Variants in DIAPH2 observed in about 807,000 individuals in gnomAD.
The protein encoded by DIAPH2 is protein diaphanous homolog 2.
A neutral mutation model predicts 92.7 loss-of-function variants in DIAPH2; 35 were observed. The observed-to-expected ratio is 0.38, with a 90% confidence interval of 0.29 to 0.50. The LOEUF (loss-of-function observed/expected upper bound fraction) is 0.50, where lower values mean the gene tolerates loss of function less well. Among genes scored for constraint, DIAPH2 ranks in the 20% least tolerant of loss-of-function variants. The probability of loss-of-function intolerance (pLI) is 0.94; values close to 1 mark genes in which losing one functional copy is unlikely to be tolerated. For synonymous variants in DIAPH2, 301 were observed against 280.4 expected (o/e 1.07, Z -0.73); for missense variants, 701 against 819.5 (o/e 0.86, Z 1.77).
intron 26 of DIAPH2, among the ~76,000 whole-genome samples, chrX:97,436,341 C>A (rs2070186610): frequency 9.0e-6 from 1 of 110,847 alleles, no homozygotes; most frequent in South Asian, 3.9e-4. Context: ...ACAAGAGAAG[C>A]ATTATGAAGA....
At chrX:96,877,215 C>A (rs941766167) in intron 4 of DIAPH2, among the ~76,000 whole-genome samples, 3 of 111,300 alleles carry the variant, frequency 2.7e-5, no homozygotes, top group Non-Finnish European at 5.7e-5. Flanking sequence ...ATGAAAATGG[C>A]ATTTTGATTT....
In DIAPH2 at chrX:97,263,950, C is replaced by T. The variant is rs1540984; in HGVS notation, c.2844+16111C>T. Among the ~76,000 whole-genome samples, 5 of 88,388 alleles carry T rather than the reference C, an allele frequency of 5.7e-5. No individual in the cohort carries two copies. In the Admixed American group the frequency reaches 6.3e-4, roughly 11 times the overall value. The allele number at this position is 88,388 out of a possible 115,157, so 76.8% of individuals were successfully genotyped here. A position where few individuals can be genotyped will look rare whatever the true frequency, so the allele number is the denominator to read the frequency against. ...TTTATTTATTTATTTGAGATGGGGA[C>T]TCACTCTGTTACCCCAGCTGGAGTG... On this transcript the variant is annotated intron_variant, in intron 23 of 26. Coordinates refer to ENST00000324765, the MANE Select transcript of DIAPH2 (RefSeq NM_006729.5).
At chrX:97,471,518 C>A (rs1332483740) in intron 26 of DIAPH2, among the ~76,000 whole-genome samples, 2 of 109,150 alleles carry the variant, frequency 1.8e-5, no homozygotes, top group East Asian at 5.8e-4. Context: ...TGGTGAAACC[C>A]CGTCTCTACT....
Position 97,145,765 on chromosome X carries a change from C to G in DIAPH2, c.2719+3971C>G, listed in dbSNP as rs150242657. On this transcript the variant is annotated intron_variant, in intron 22 of 26. Coordinates refer to ENST00000324765, the MANE Select transcript of DIAPH2 (RefSeq NM_006729.5). The stretch of plus-strand genomic sequence containing the variant: ...AAATTCAGACTGAGAATTCTCAACT[C>G]AAAAAGATCTTACGCACATTCTGCC... Among the ~76,000 whole-genome samples, 485 of 110,627 alleles carry G rather than the reference C, an allele frequency of 4.4e-3. 3 individuals carry two copies. Among genetic ancestry groups the G allele is most frequent in the African/African-American group, 0.015 (459 of 30,549 alleles).
At chrX:96,919,423 G>T (rs1300367259) in intron 9 of DIAPH2, among the ~76,000 whole-genome samples, 1 of 111,450 alleles carries the variant, frequency 9.0e-6, no homozygotes, top group Non-Finnish European at 1.9e-5. Flanking sequence ...CAGGTTTTTG[G>T]TCTCTGCTAA....
chrX:96,809,015 TTGAC>T (rs1225553586), intron 4 of DIAPH2, among the ~76,000 whole-genome samples: 1 of 111,914 alleles, frequency 8.9e-6, no homozygotes, highest in African/African-American at 3.2e-5. Context: ...ATTTCACTGA[TTGAC>T]ATATACAATA....
intron 26 of DIAPH2, among the ~76,000 whole-genome samples, chrX:97,459,675 A>G (rs1230732322): frequency 8.9e-6 from 1 of 111,975 alleles, no homozygotes; most frequent in African/African-American, 3.2e-5. Context: ...CAATCCTACA[A>G]AATTAGCAAT....
intron 1 of DIAPH2, among the ~76,000 whole-genome samples, chrX:96,709,666 A>G (rs1362018736): frequency 1.8e-5 from 2 of 112,112 alleles, no homozygotes; most frequent in Non-Finnish European, 3.8e-5. Context: ...TCCATTACCA[A>G]CTTTAAAAAA....
chrX:97,536,626 C>T (rs1312231831), intron 26 of DIAPH2, among the ~76,000 whole-genome samples: 1 of 111,678 alleles, frequency 9.0e-6, no homozygotes, highest in Non-Finnish European at 1.9e-5. Context: ...GGATCACTTA[C>T]CTCTTCTTTC....
At chrX:97,414,236 C>A (rs2069914236) in intron 25 of DIAPH2, among the ~76,000 whole-genome samples, 1 of 111,473 alleles carries the variant, frequency 9.0e-6, no homozygotes, top group Non-Finnish European at 1.9e-5. Flanking sequence ...ACAGAGGCAT[C>A]AGAAATAATA....
At chrX:96,701,827 G>C (rs371411084) in intron 1 of DIAPH2, among the ~76,000 whole-genome samples, 1 of 111,687 alleles carries the variant, frequency 9.0e-6, no homozygotes, top group South Asian at 3.7e-4. Context: ...GGGAACTAAC[G>C]TTTAGTGAGC....
intron 1 of DIAPH2, among the ~76,000 whole-genome samples, chrX:96,693,901 G>C (rs764758965): frequency 8.9e-6 from 1 of 111,780 alleles, no homozygotes; most frequent in East Asian, 2.8e-4. Context: ...TGTGCATGAT[G>C]GGAGACGCCT....
At chrX:97,372,760 G>A (rs2069460050) in intron 24 of DIAPH2, among the ~76,000 whole-genome samples, 2 of 111,050 alleles carry the variant, frequency 1.8e-5, no homozygotes, top group African/African-American at 3.3e-5. Flanking sequence ...CACCTGAGAT[G>A]GGGAGTTCGA....
chrX:97,578,039 A>G (rs2071409655), intron 26 of DIAPH2, among the ~76,000 whole-genome samples: 1 of 106,927 alleles, frequency 9.4e-6, no homozygotes, highest in Non-Finnish European at 1.9e-5. Flanking sequence ...TTTTAAATCC[A>G]CTGCAGCCTT....
chrX:97,352,670 C>T (rs1192863736), intron 24 of DIAPH2, among the ~76,000 whole-genome samples: 2 of 107,828 alleles, frequency 1.9e-5, no homozygotes, highest in Non-Finnish European at 1.9e-5. Flanking sequence ...GAGATCGAGA[C>T]CATCCTGGCT....
Position 97,040,175 on chromosome X carries a change from G to GT in DIAPH2, c.2051-32751dup, listed in dbSNP as rs1337386799. On this transcript the variant is annotated intron_variant, in intron 17 of 26. Coordinates refer to ENST00000324765, the MANE Select transcript of DIAPH2 (RefSeq NM_006729.5). ...CTTGGCAAGTAACCTACCCTTGAGG[G>GT]TTTTTTTTTTTTTTTCTCCCAGATG... Among the ~76,000 whole-genome samples the GT allele has an allele frequency of 8.0e-3, 772 of 96,437 alleles. 2 individuals are homozygous for GT. The highest frequency in any genetic ancestry group is 0.016 in the African/African-American group (427 of 26,793). The allele number at this position is 96,437 out of a possible 115,157, so 83.7% of individuals were successfully genotyped here.
At chrX:97,116,321 G>A (rs1046477286) in intron 21 of DIAPH2, among the ~76,000 whole-genome samples, 1 of 112,037 alleles carries the variant, frequency 8.9e-6, no homozygotes, top group African/African-American at 3.2e-5. Flanking sequence ...TGTAAGGAAA[G>A]AGAACAAGGA....
At chrX:97,083,588 A>G (rs187566297) in intron 19 of DIAPH2, among the ~76,000 whole-genome samples, 2 of 111,482 alleles carry the variant, frequency 1.8e-5, no homozygotes, top group African/African-American at 6.5e-5. Context: ...ACTGGATACC[A>G]GTAGCAGCTC....
intron 26 of DIAPH2, among the ~76,000 whole-genome samples, chrX:97,508,913 C>A (rs2070856995): frequency 9.2e-6 from 1 of 109,144 alleles, no homozygotes; most frequent in Admixed American, 9.9e-5. Context: ...ATCTTTTCTT[C>A]CCATCTTAGA....
Sources: allele counts gnomAD v4.1 joint callset (sites outside exome capture counted in the v4.1 genomes callset), GRCh38; gene constraint gnomAD v4.1.1; transcripts MANE v1.5; gene names NCBI Gene and HGNC (gene_info 2026-07-23, HGNC 2026-07-21).